The following SPPL3 variants were observed in gnomAD, a reference collection of about 807,000 sequenced individuals.
SPPL3 encodes the protein signal peptide peptidase like 3.
In SPPL3, 5 loss-of-function variants were observed where a neutral mutation model predicts 42.4. That is an observed-to-expected ratio of 0.12 (90% CI 0.06 to 0.25). The LOEUF is 0.25. Among genes scored for constraint, SPPL3 ranks in the 10% least tolerant of loss-of-function variants. SPPL3 has a pLI of 1.00. For missense variants in SPPL3, 235 were observed against 489.0 expected (o/e 0.48, Z 4.90); for synonymous variants, 195 against 181.8 (o/e 1.07, Z -0.58).
Position 120,771,195 on chromosome 12 carries a change from A to C in SPPL3, c.503-2136T>G, listed in dbSNP as rs557942434. On this transcript the variant is annotated intron_variant, in intron 6 of 10. Coordinates refer to ENST00000353487, the MANE Select transcript of SPPL3 (RefSeq NM_139015.5). Reference sequence around the variant, plus strand: ...ATGGGGCCCCTAGCTCAAAACTCTTAAACAACTTCCCATAGAGTAAAAGCC... The same window carrying C: ...ATGGGGCCCCTAGCTCAAAACTCTTCAACAACTTCCCATAGAGTAAAAGCC... Among the ~76,000 whole-genome samples, 3 of 152,296 alleles carry C rather than the reference A, an allele frequency of 2.0e-5. No homozygotes were observed. The South Asian group carries it at 6.2e-4, about 32-fold the overall frequency.
intron 2 of SPPL3, among the ~76,000 whole-genome samples, chr12:120,797,026 C>T (rs769304889): frequency 1.1e-4 from 16 of 152,066 alleles, no homozygotes; most frequent in Non-Finnish European, 4.4e-5. Flanking sequence ...AAAAATTAGC[C>T]AGGTGTGGTG....
intron 1 of SPPL3, among the ~76,000 whole-genome samples, chr12:120,880,982 G>GAAAT (rs1396310160): frequency 1.3e-5 from 2 of 151,764 alleles, no homozygotes; most frequent in Non-Finnish European, 2.9e-5. Context: ...AATCACTAGA[G>GAAAT]AAATATAAAT....
chr12:120,814,497 T>A (rs1336321434), intron 1 of SPPL3, among the ~76,000 whole-genome samples: 1 of 152,202 alleles, frequency 6.6e-6, no homozygotes, highest in Non-Finnish European at 1.5e-5. Flanking sequence ...ATGAACTTCA[T>A]CAGTTTCTCT....
At chr12:120,847,304 A>AT (rs543614390) in intron 1 of SPPL3, among the ~76,000 whole-genome samples, 108 of 152,124 alleles carry the variant, frequency 7.1e-4, no homozygotes, top group African/African-American at 2.5e-3. Context: ...TTATTTATTT[A>AT]TTTTTTAAGA....
In SPPL3 at chr12:120,792,565, T is replaced by A. The variant is rs141079429; in HGVS notation, c.102-1008A>T. On this transcript the variant is annotated intron_variant, in intron 2 of 10. Coordinates refer to ENST00000353487, the MANE Select transcript of SPPL3 (RefSeq NM_139015.5). The stretch of plus-strand genomic sequence containing the variant: ...AAATACAAAAATTTGCTGGGCGTGG[T>A]GGTGCGTGCCGGTAGTTCCAGCTAC... Among the ~76,000 whole-genome samples the A allele has an allele frequency of 3.5e-3, 536 of 151,934 alleles. 2 individuals are homozygous for A. Among genetic ancestry groups the A allele is most frequent in the Non-Finnish European group, 5.9e-3 (404 of 67,956 alleles).
chr12:120,884,317 T>C (rs770032336), intron 1 of SPPL3, among the ~76,000 whole-genome samples: 7 of 152,064 alleles, frequency 4.6e-5, no homozygotes, highest in Non-Finnish European at 1.0e-4. Flanking sequence ...ATGCTACACA[T>C]ACAAATCATA....
At chr12:120,875,119 C>G (rs923193307) in intron 1 of SPPL3, among the ~76,000 whole-genome samples, 1 of 152,152 alleles carries the variant, frequency 6.6e-6, no homozygotes, top group African/African-American at 2.4e-5. Flanking sequence ...CAGCAGAGGA[C>G]ACAGGCATCA....
At chr12:120,861,873 C>G (rs183200574) in intron 1 of SPPL3, among the ~76,000 whole-genome samples, 16 of 152,288 alleles carry the variant, frequency 1.1e-4, no homozygotes, top group Admixed American at 6.5e-4. Context: ...AAGAGAGGGA[C>G]TGGGAACTCA....
intron 1 of SPPL3, among the ~76,000 whole-genome samples, chr12:120,852,525 C>T (rs1290391514): frequency 0.012 from 18 of 1,494 alleles, no homozygotes; most frequent in Admixed American, 0.025. Flanking sequence ...GAAATATATG[C>T]ATATATAATA....
At chr12:120,885,475 T>C (rs1394491320) in intron 1 of SPPL3, among the ~76,000 whole-genome samples, 4 of 152,230 alleles carry the variant, frequency 2.6e-5, no homozygotes, top group East Asian at 1.9e-4. Flanking sequence ...ATACCATTTA[T>C]GGACTCCAAC....
At chr12:120,889,926 C>G (rs1342990079) in intron 1 of SPPL3, among the ~76,000 whole-genome samples, 1 of 152,118 alleles carries the variant, frequency 6.6e-6, no homozygotes, top group African/African-American at 2.4e-5. Flanking sequence ...TAAGACATCC[C>G]ATATTCTTCC....
chr12:120,839,649 T>C (rs557711824), intron 1 of SPPL3, among the ~76,000 whole-genome samples: 2 of 152,312 alleles, frequency 1.3e-5, no homozygotes, highest in South Asian at 4.2e-4. Flanking sequence ...TTTCAGTATG[T>C]ATGTACATGT....
At chr12:120,870,753 T>C (rs1202077145) in intron 1 of SPPL3, among the ~76,000 whole-genome samples, 1 of 152,102 alleles carries the variant, frequency 6.6e-6, no homozygotes, top group Non-Finnish European at 1.5e-5. Context: ...AAATAAAGGA[T>C]TCCATTTATG....
chr12:120,834,610 C>T (rs964866132), intron 1 of SPPL3, among the ~76,000 whole-genome samples: 15 of 152,198 alleles, frequency 9.9e-5, no homozygotes, highest in Middle Eastern at 3.2e-3. Context: ...CATACTCCTT[C>T]TGCAATCTTA....
intron 1 of SPPL3, among the ~76,000 whole-genome samples, chr12:120,821,044 A>G (rs1388994572): frequency 6.6e-6 from 1 of 152,254 alleles, no homozygotes; most frequent in Non-Finnish European, 1.5e-5. Context: ...CAATGAAAAA[A>G]TGATTACTTC....
At chr12:120,824,645 G>A (rs1871182611) in intron 1 of SPPL3, among the ~76,000 whole-genome samples, 2 of 152,106 alleles carry the variant, frequency 1.3e-5, no homozygotes, top group Admixed American at 6.5e-5. Flanking sequence ...ATCCTCTCAT[G>A]TCAGCCTCCT....
At chr12:120,865,165 T>G (rs545684443) in intron 1 of SPPL3, among the ~76,000 whole-genome samples, 1 of 152,354 alleles carries the variant, frequency 6.6e-6, no homozygotes, top group Non-Finnish European at 1.5e-5. Context: ...AGTTGATCAC[T>G]TTGTGGCCCT....
At chr12:120,889,415 CAT>C (rs1420471242) in intron 1 of SPPL3, among the ~76,000 whole-genome samples, 2 of 152,218 alleles carry the variant, frequency 1.3e-5, no homozygotes, top group Non-Finnish European at 2.9e-5. Context: ...TGGCTTCAAC[CAT>C]ATGACTTGCT....
chr12:120,832,130 G>A (rs1871445566), intron 1 of SPPL3, among the ~76,000 whole-genome samples: 2 of 152,074 alleles, frequency 1.3e-5, no homozygotes, highest in Non-Finnish European at 2.9e-5. Context: ...CTAAATAAGT[G>A]CTTTAACTGA....
Sources: allele counts gnomAD v4.1 joint callset (sites outside exome capture counted in the v4.1 genomes callset), GRCh38; gene constraint gnomAD v4.1.1; transcripts MANE v1.5; gene names NCBI Gene and HGNC (gene_info 2026-07-23, HGNC 2026-07-21).